Variants in DNMT1 observed in about 807,000 individuals in gnomAD.
The protein encoded by DNMT1 is DNA (cytosine-5)-methyltransferase 1.
In DNMT1, 24 loss-of-function variants were observed where a neutral mutation model predicts 205.3. That is an observed-to-expected ratio of 0.12 (90% CI 0.08 to 0.16). The LOEUF is 0.16. Among genes scored for constraint, DNMT1 ranks in the 10% least tolerant of loss-of-function variants. The probability of loss-of-function intolerance (pLI) is 1.00; values close to 1 mark genes in which losing one functional copy is unlikely to be tolerated. For synonymous variants in DNMT1, 817 were observed against 839.8 expected, an observed-to-expected ratio of 0.97 and a Z score of 0.47; for missense variants, 1,293 against 2,177.7, an observed-to-expected ratio of 0.59 and a Z score of 8.09.
rs758849260 is a variant in DNMT1 at position 10,135,756 on chromosome 19, T to C, written c.4753A>G (p.Ile1585Val). 6.2e-7 allele frequency: 1 copy of C among 1,606,468 alleles called. No homozygotes were observed. The highest frequency in any genetic ancestry group is 8.5e-7 in the Non-Finnish European group (1 of 1,177,750). The change falls in exon 39 of 41, where the codon ATC (isoleucine) becomes GTC (valine). Residue 1585 changes from isoleucine (I) to valine (V), a missense_variant. By Grantham distance (29) the Ile-to-Val change is conservative. Transcript: ENST00000359526. Reference sequence around the variant, plus strand: ...CTGACCTGCCGGTGCTTGTCCAGGATGTTGCCGAAGAGCCGGTAGGTGTCA... The same window carrying C: ...CTGACCTGCCGGTGCTTGTCCAGGACGTTGCCGAAGAGCCGGTAGGTGTCA... ...FPDTYRLFGNILDKHRQVGNA... is the reference protein window; with the variant it reads ...FPDTYRLFGNVLDKHRQVGNA...
At chr19:10,135,091 A>G (rs1172921908) in intron 39 of DNMT1, among the ~76,000 whole-genome samples, 1 of 151,898 alleles carries the variant, frequency 6.6e-6, no homozygotes, top group East Asian at 1.9e-4. Flanking sequence ...ACATGACTGT[A>G]ATCCCAGCTA....
chr19:10,164,385 C>T (rs1355928939), intron 11 of DNMT1, among the ~76,000 whole-genome samples: 1 of 152,124 alleles, frequency 6.6e-6, no homozygotes, highest in Non-Finnish European at 1.5e-5. Flanking sequence ...TCAGGTGATC[C>T]GCCCACCTCA....
Position 10,136,283 on chromosome 19 carries a change from G to A in DNMT1, c.4494C>T (p.Gly1498=). The A allele has an allele frequency of 6.2e-7, 1 of 1,613,888 alleles. No homozygotes were observed. The highest frequency in any genetic ancestry group is 1.1e-5 in the South Asian group (1 of 91,064). The change falls in exon 38 of 41, where the codon GGC becomes GGT. Residue 1498 remains glycine, a synonymous_variant. Coordinates refer to ENST00000359526, the MANE Select transcript of DNMT1 (RefSeq NM_001130823.3). ...GCCTGGCTGCGGGGTCGCAGGCTTT[G>A]CCGGCTGGAAGACAGGACAGTGATG... ...LRGVCSCVEA[G]KACDPAARQF...
At chr19:10,194,787 C>T in intron 1 of DNMT1, 33 bp downstream of exon 1, 1 of 1,606,332 alleles carries the variant, frequency 6.2e-7, no homozygotes, top group South Asian at 1.1e-5. Flanking sequence ...CTGCCTGTCC[C>T]CCTGAGTCCG....
intron 10 of DNMT1, 30 bp from the exon 11 acceptor site, chr19:10,166,715 T>C: frequency 6.2e-7 from 1 of 1,613,490 alleles, no homozygotes; most frequent in Non-Finnish European, 8.5e-7. Flanking sequence ...ACACACAGGC[T>C]GGTCAGCTCG....
chr19:10,146,611 C>T lies in DNMT1; in HGVS notation c.2721-87G>A, dbSNP rs1214265124. On this transcript the variant is annotated intron_variant, in intron 27 of 40. Coordinates refer to ENST00000359526, the MANE Select transcript of DNMT1 (RefSeq NM_001130823.3). This position sits in a 1 kb window ranked among gnomAD's most constrained non-coding sequence, Gnocchi z 4.4. ...CTACTGCCAGCTTAATCCAGAGACT[C>T]TGGTAACCAAGAGGAAAAAACATTT... 6.4e-7 allele frequency: 1 copy of T among 1,552,372 alleles called. No individual in the cohort carries two copies. The highest frequency in any genetic ancestry group is 2.2e-5 in the East Asian group (1 of 44,534).
rs527864030 is a variant in DNMT1, at chr19:10,152,487, G to A, written c.2020-640C>T. 5.3e-5 allele frequency among the ~76,000 whole-genome samples: 8 copies of A among 152,050 alleles called. No homozygotes were observed. The South Asian group carries it at 1.5e-3, about 28-fold the overall frequency. ...TACAAAAAATTAAAATTAGCCAGGC[G>A]TGTGACAAATTCCTGCAGTCCCGGC... On this transcript the variant is annotated intron_variant, in intron 22 of 40. Transcript: ENST00000359526.
At position 10,148,865 on chromosome 19, in the gene DNMT1, G is replaced by A. The variant is rs948148785; in HGVS notation, c.2720+19C>T. 2 of 1,614,018 alleles carry A rather than the reference G, an allele frequency of 1.2e-6. No individual in the cohort carries two copies. Among genetic ancestry groups the A allele is most frequent in the Non-Finnish European group, 1.7e-6 (2 of 1,180,000 alleles). ...GGCTGAAAGTGCCTGCTGACCCCGA[G>A]TCCAGCCCCAGTGCTCACTTGAACT... On this transcript the variant is annotated intron_variant, in intron 27 of 40. Coordinates refer to ENST00000359526, the MANE Select transcript of DNMT1 (RefSeq NM_001130823.3).
chr19:10,187,557 G>A (rs1383298895), intron 1 of DNMT1, among the ~76,000 whole-genome samples: 3 of 150,662 alleles, frequency 2.0e-5, no homozygotes. Context: ...GCAATACAGT[G>A]AGACCCTGTC....
intron 7 of DNMT1, among the ~76,000 whole-genome samples, chr19:10,175,215 G>A (rs935538576): frequency 6.6e-6 from 1 of 151,562 alleles, no homozygotes; most frequent in African/African-American, 2.4e-5. Context: ...CTGCCCTGCA[G>A]ATTTCAAATT....
chr19:10,154,432 T>C lies in DNMT1; in HGVS notation c.1880A>G (p.Lys627Arg). The stretch of plus-strand genomic sequence containing the variant: ...GGTGGCTTTCGTGGGTCCCCTGTCC[T>C]TCTCCCTGGTAGAATGCCTGATGGT... The part of the protein sequence containing the change: ...RQTIRHSTRE[K>R]DRGPTKATTT... Residue 627 changes from lysine (K) to arginine (R), a missense_variant, in exon 22 of 41, where the codon AAG (lysine) becomes AGG (arginine). Lys to Arg is a conservative substitution (Grantham distance 26). Transcript: ENST00000359526. The surrounding 1 kb of genome is among the most constrained non-coding windows in gnomAD (Gnocchi z 6.3). 6.2e-6 allele frequency: 10 copies of C among 1,614,240 alleles called. No homozygotes were observed. The highest frequency in any genetic ancestry group is 7.6e-6 in the Non-Finnish European group (9 of 1,180,042).
chr19:10,169,308 C>T (rs922262154), intron 9 of DNMT1, among the ~76,000 whole-genome samples: 2 of 147,364 alleles, frequency 1.4e-5, no homozygotes, highest in Non-Finnish European at 3.0e-5. Context: ...TTTGGGAGGC[C>T]GAGATGGGCA....
rs750523221 is a variant in DNMT1 at position 10,154,645 on chromosome 19, G to A, written c.1773C>T (p.Ile591=). The change falls in exon 21 of 41, where the codon ATC becomes ATT. Residue 591 remains isoleucine (I), a synonymous_variant. Transcript: ENST00000359526. The surrounding 1 kb of genome is among the most constrained non-coding windows in gnomAD (Gnocchi z 6.3). ...DEAGDSDEQP[I]FLTPCMRDLI... ...GGTCCCGCATGCAGGGTGTCAGGAA[G>A]ATGGGCTGCTCATCACTGTCCCCGG... 2 of 1,614,092 alleles carry A rather than the reference G, an allele frequency of 1.2e-6. No homozygotes were observed. The highest frequency in any genetic ancestry group is 2.2e-5 in the East Asian group (1 of 44,884).
Position 10,140,915 on chromosome 19 carries a change from G to A in DNMT1, c.3395-6C>T, listed in dbSNP as rs773383608. On this transcript the variant is annotated splice_polypyrimidine_tract_variant and splice_region_variant and intron_variant, in intron 31 of 40. Coordinates refer to ENST00000359526, the MANE Select transcript of DNMT1 (RefSeq NM_001130823.3). This position sits in a 1 kb window ranked among gnomAD's most constrained non-coding sequence, Gnocchi z 8.4. ...GGACTTGGGCTTGCCCTTCCCTGGGGGAGAGAGGCCAGAGGCTAAACCCGA... is the reference window on the plus strand; with the variant it reads ...GGACTTGGGCTTGCCCTTCCCTGGGAGAGAGAGGCCAGAGGCTAAACCCGA... The A allele has an allele frequency of 2.5e-6, 4 of 1,613,764 alleles. No homozygotes were observed. Among genetic ancestry groups the A allele is most frequent in the Non-Finnish European group, 2.5e-6 (3 of 1,180,028 alleles).
rs1464249069 is a variant in DNMT1, at chr19:10,146,461, C to T, written c.2784G>A (p.Glu928=). The T allele has an allele frequency of 1.9e-6, 3 of 1,614,062 alleles. No homozygotes were observed. Among genetic ancestry groups the T allele is most frequent in the East Asian group, 2.2e-5 (1 of 44,886 alleles). Residue 928 remains glutamate (E), a synonymous_variant, in exon 28 of 41, where the codon GAG becomes GAA. Coordinates refer to ENST00000359526, the MANE Select transcript of DNMT1 (RefSeq NM_001130823.3). The surrounding 1 kb of genome is among the most constrained non-coding windows in gnomAD (Gnocchi z 4.4). ...CCCGGCTATCCAGGTCCTCGAGCTG[C>T]TCCAGGACCCTGGGGATTTCTTTTT... The part of the protein sequence containing the change: ...MRQKEIPRVL[E]QLEDLDSRVL...
chr19:10,134,262 C>G lies in DNMT1; in HGVS notation c.4819G>C (p.Glu1607Gln). ...TTGGCCAACATACAAAGCTTGATCTCCAAGCCAATGGCTTTGGCCAGGGGC... is the reference window on the plus strand; with the variant it reads ...TTGGCCAACATACAAAGCTTGATCTGCAAGCCAATGGCTTTGGCCAGGGGC... ...PPPLAKAIGL[E>Q]IKLCMLAKAR... Residue 1607 changes from glutamate (E) to glutamine (Q), a missense_variant, in exon 40 of 41, where the codon GAG becomes CAG. Glu to Gln is a conservative substitution (Grantham distance 29, BLOSUM62 2). Around this residue, in one of 13 missense-constraint regions of DNMT1, gnomAD observed 37 missense variants for 36.3 expected, o/e 1.02. Transcript: ENST00000359526. The G allele has an allele frequency of 6.2e-7, 1 of 1,614,180 alleles. No individual in the cohort carries two copies.
At chr19:10,194,704 C>T in intron 1 of DNMT1, 116 bp downstream of exon 1, 1 of 1,378,606 alleles carries the variant, frequency 7.3e-7, no homozygotes, top group Non-Finnish European at 9.7e-7. Flanking sequence ...CCGCACCACC[C>T]CACGCATGCG....
intron 1 of DNMT1, among the ~76,000 whole-genome samples, chr19:10,188,663 A>G (rs150749321): frequency 0.011 from 1,650 of 152,262 alleles, 31 homozygotes; most frequent in African/African-American, 0.038. Flanking sequence ...AGATGGGGAG[A>G]TTATCCTGGA....
intron 13 of DNMT1, among the ~76,000 whole-genome samples, chr19:10,162,195 G>C (rs1163185532): frequency 6.7e-6 from 1 of 149,768 alleles, no homozygotes; most frequent in Non-Finnish European, 1.5e-5. Context: ...CAGGAGTACA[G>C]TGGCACGATC....
Sources: allele counts gnomAD v4.1 joint callset (sites outside exome capture counted in the v4.1 genomes callset), GRCh38; gene constraint gnomAD v4.1.1; regional missense constraint gnomAD v4.1.1; non-coding constraint Gnocchi (gnomAD v3.1); transcripts MANE v1.5; gene names NCBI Gene and HGNC (gene_info 2026-07-23, HGNC 2026-07-21).